OR1L8: variants seen among roughly 807,000 people sequenced by gnomAD.
OR1L8 encodes the protein olfactory receptor 1L8.
For synonymous variants in OR1L8, 148 were observed against 147.0 expected, an observed-to-expected ratio of 1.01 and a Z score of -0.05; for missense variants, 330 against 377.4, an observed-to-expected ratio of 0.87 and a Z score of 1.04.
At chr9:122,553,010 T>G in the OR1L8 span, 1 of 641,886 alleles carries the variant, frequency 1.6e-6, no homozygotes. Flanking sequence ...TTATCTTAAC[T>G]GTTCTCTAAA....
chr9:122,580,484 G>A (rs1829726593), intron 1 of OR1L8, among the ~76,000 whole-genome samples: 2 of 152,110 alleles, frequency 1.3e-5, no homozygotes. Context: ...GTTTCCATAT[G>A]GTCAAAGCAG....
At chr9:122,575,605 G>A (rs1829639275) in intron 3 of OR1L8, among the ~76,000 whole-genome samples, 1 of 152,120 alleles carries the variant, frequency 6.6e-6, no homozygotes, top group Non-Finnish European at 1.5e-5. Flanking sequence ...TAGTCAGCAT[G>A]GTTAGAAGCT....
chr9:122,553,757 T>C, the OR1L8 span: 1 of 1,614,088 alleles, frequency 6.2e-7, no homozygotes, highest in African/African-American at 1.3e-5. Flanking sequence ...ATTTCTATTG[T>C]GATCCTAGTG....
In OR1L8 at chr9:122,567,511, G is replaced by A; in HGVS notation, c.*37C>T. The A allele has an allele frequency of 7.0e-7, 1 of 1,426,684 alleles. No homozygotes were observed. The highest frequency in any genetic ancestry group is 1.4e-5 in the South Asian group (1 of 73,926). The allele number at this position is 1,426,684 out of a possible 1,614,324, so 88.4% of individuals were successfully genotyped here. ...CCAGTAGAAAACACGTCCAAGTTGA[G>A]CAGATTCCACTTACGAGTTTTTCAA... On this transcript the variant is annotated 3_prime_UTR_variant, in exon 5 of 5. Coordinates refer to ENST00000641027, the MANE Select transcript of OR1L8 (RefSeq NM_001004454.2).
At position 122,567,931 on chromosome 9, in the gene OR1L8, T is replaced by C; in HGVS notation, c.547A>G (p.Ser183Gly). The C allele has an allele frequency of 6.2e-7, 1 of 1,614,102 alleles. No homozygotes were observed. Among genetic ancestry groups the C allele is most frequent in the Non-Finnish European group, 8.5e-7 (1 of 1,179,982 alleles). Residue 183 changes from serine (S) to glycine (G), a missense_variant, in exon 5 of 5, where the codon AGC becomes GGC. By Grantham distance (56) the Ser-to-Gly change is moderately conservative. Coordinates refer to ENST00000641027, the MANE Select transcript of OR1L8 (RefSeq NM_001004454.2). The stretch of plus-strand genomic sequence containing the variant: ...GAGCAGGACAATTTCAGCACAGGGC[T>C]GAGGTCACAGAGAAAGTGGTGGATA... ...NVIHHFLCDL[S>G]PVLKLSCSSI...
chr9:122,553,118 T>C, the OR1L8 span: 1 of 1,324,126 alleles, frequency 7.6e-7, no homozygotes, highest in Non-Finnish European at 1.1e-6. Context: ...AGCACAGTTC[T>C]GGCCACACAG....
At chr9:122,572,273 A>C (rs1023127678) in intron 4 of OR1L8, among the ~76,000 whole-genome samples, 1 of 152,348 alleles carries the variant, frequency 6.6e-6, no homozygotes, top group East Asian at 1.9e-4. Context: ...ACAGATCCAA[A>C]CCATATCAAA....
the OR1L8 span, chr9:122,553,386 C>T: frequency 4.3e-6 from 7 of 1,614,148 alleles, no homozygotes; most frequent in Non-Finnish European, 5.9e-6. Context: ...CCCACACCTC[C>T]ATACTCCCAT....
rs1450305771 is a variant in OR1L8 at position 122,568,515 on chromosome 9, T to G, written c.-38A>C. On this transcript the variant is annotated 5_prime_UTR_variant, in exon 5 of 5. Transcript: ENST00000641027. Reference sequence around the variant, plus strand: ...AGTTATAAACAAGAAGTTTTGTCATTTAACATGCTCTGATTTCATAACACC... The same window carrying G: ...AGTTATAAACAAGAAGTTTTGTCATGTAACATGCTCTGATTTCATAACACC... The G allele has an allele frequency of 2.5e-6, 3 of 1,223,452 alleles. No homozygotes were observed. Among genetic ancestry groups the G allele is most frequent in the East Asian group, 2.4e-5 (1 of 42,300 alleles). The allele number at this position is 1,223,452 out of a possible 1,614,324, so 75.8% of individuals were successfully genotyped here.
chr9:122,567,376 T>C lies in OR1L8; in HGVS notation c.*172A>G, dbSNP rs1829446534. 3 of 507,880 alleles carry C rather than the reference T, an allele frequency of 5.9e-6. No individual in the cohort carries two copies. The Admixed American group carries it at 1.1e-4, about 19-fold the overall frequency. 31.5% of individuals were successfully genotyped at this position (507,880 alleles called of 1,614,324 possible). A position where few individuals can be genotyped will look rare whatever the true frequency, so the allele number is the denominator to read the frequency against. On this transcript the variant is annotated 3_prime_UTR_variant, in exon 5 of 5. Coordinates refer to ENST00000641027, the MANE Select transcript of OR1L8 (RefSeq NM_001004454.2). ...CAGGAAACGATTGTGATTTAAGAGA[T>C]ACAGGCCGAATTGTTGGGTCATCAT...
intron 4 of OR1L8, among the ~76,000 whole-genome samples, chr9:122,569,951 T>C (rs1461072709): frequency 6.6e-6 from 1 of 150,698 alleles, no homozygotes; most frequent in East Asian, 1.9e-4. Flanking sequence ...GTTCTTGCGA[T>C]AGTTTACTGA....
the OR1L8 span, among the ~76,000 whole-genome samples, chr9:122,546,472 A>G: frequency 6.6e-6 from 1 of 152,204 alleles, no homozygotes; most frequent in Non-Finnish European, 1.5e-5. Flanking sequence ...GCTTGCTTTC[A>G]GAACCTGCTG....
At chr9:122,577,467 T>A (rs531659754) in intron 2 of OR1L8, among the ~76,000 whole-genome samples, 11 of 151,936 alleles carry the variant, frequency 7.2e-5, no homozygotes, top group Admixed American at 2.0e-4. Flanking sequence ...GGCAAACACC[T>A]CAATAATAAA....
chr9:122,552,059 T>TACA, the OR1L8 span, among the ~76,000 whole-genome samples: 38 of 103,348 alleles, frequency 3.7e-4, no homozygotes, highest in African/African-American at 1.5e-3. Context: ...ACACATACAC[T>TACA]CTCTCTCTCT....
chr9:122,555,872 A>C, the OR1L8 span, among the ~76,000 whole-genome samples: 22 of 152,304 alleles, frequency 1.4e-4, no homozygotes, highest in East Asian at 4.2e-3. Flanking sequence ...GCCTCCACTG[A>C]CACATCATCA....
chr9:122,560,843 C>A, the OR1L8 span, among the ~76,000 whole-genome samples: 1 of 152,054 alleles, frequency 6.6e-6, no homozygotes, highest in Non-Finnish European at 1.5e-5. Context: ...TAGTGGAGTT[C>A]TCTGTATTTC....
At chr9:122,571,095 C>T (rs775449974) in intron 4 of OR1L8, among the ~76,000 whole-genome samples, 11 of 152,154 alleles carry the variant, frequency 7.2e-5, no homozygotes, top group Non-Finnish European at 1.0e-4. Flanking sequence ...TACAGAATTA[C>T]CCTCTTGCCA....
the OR1L8 span, among the ~76,000 whole-genome samples, chr9:122,555,856 C>T: frequency 5.9e-5 from 9 of 152,214 alleles, no homozygotes; most frequent in Admixed American, 5.9e-4. Context: ...TTATTACAAT[C>T]CATTAGCCTC....
chr9:122,562,595 G>C (rs1213880658), downstream of OR1L8, among the ~76,000 whole-genome samples: 1 of 151,636 alleles, frequency 6.6e-6, no homozygotes, highest in African/African-American at 2.4e-5. Flanking sequence ...TCTCAGGTGG[G>C]CTGCCACACC....
Sources: gnomAD v4.1 joint callset for allele counts (sites outside exome capture counted in the v4.1 genomes callset) on GRCh38, gnomAD v4.1.1 for gene constraint, MANE v1.5 for transcripts, NCBI Gene and HGNC (gene_info 2026-07-23, HGNC 2026-07-21) for gene names.